CEP164: variants seen among roughly 807,000 people sequenced by gnomAD.
CEP164 encodes centrosomal protein 164, also known as centrosomal protein of 164 kDa.
CEP164 carries 162 observed loss-of-function variants against 182.7 expected under a neutral mutation model. The observed-to-expected ratio is 0.89, with a 90% CI of 0.78 to 1.01. The LOEUF is 1.01. Ranked by LOEUF, CEP164 falls within the 50% of genes least tolerant of loss-of-function variation. The probability of loss-of-function intolerance (pLI) is 0.00; values close to 1 mark genes in which losing one functional copy is unlikely to be tolerated. For synonymous variants in CEP164, 661 were observed against 690.0 expected (o/e 0.96, Z 0.66); for missense variants, 1,735 against 1,790.4 (o/e 0.97, Z 0.56).
At chr11:117,395,271 C>A in intron 23 of CEP164, 80 bp downstream of exon 23, 1 of 1,521,324 alleles carries the variant, frequency 6.6e-7, no homozygotes, top group South Asian at 1.1e-5. Context: ...ACATTTTGTT[C>A]ATCTGATCTG....
At chr11:117,359,295 G>A (rs2040667314) in intron 5 of CEP164, 10 of 567,026 alleles carry the variant, frequency 1.8e-5, no homozygotes, top group African/African-American at 2.0e-5. Flanking sequence ...TGGGGACTGT[G>A]GATAATGGCA....
chr11:117,334,372 G>C (rs2036704677), intron 1 of CEP164, among the ~76,000 whole-genome samples: 1 of 152,150 alleles, frequency 6.6e-6, no homozygotes. Context: ...AGCCTGATAA[G>C]GTAAGGAAAG....
At chr11:117,356,757 C>T (rs1565471842) in intron 5 of CEP164, 3 of 821,428 alleles carry the variant, frequency 3.7e-6, no homozygotes, top group Non-Finnish European at 4.7e-6. Flanking sequence ...TTTAACTACC[C>T]AAATGGCCAT....
chr11:117,373,791 C>G lies in CEP164; in HGVS notation c.1193C>G (p.Ser398Ter), dbSNP rs753347788. Residue 398 changes from serine (S) to a stop codon, truncating the protein, a stop_gained, in exon 10 of 33, where the codon TCA becomes TGA. Coordinates refer to ENST00000278935, the MANE Select transcript of CEP164 (RefSeq NM_014956.5). LOFTEE classifies it high-confidence loss of function. ...ISEHMKEPQL[S>*]DSIASDPKSF... ...GAACACATGAAGGAACCACAGCTCT[C>G]AGACTCCATAGCTTCTGACCCCAAG... 6.2e-7 allele frequency: 1 copy of G among 1,614,202 alleles called. No individual in the cohort carries two copies. Among genetic ancestry groups the G allele is most frequent in the Non-Finnish European group, 8.5e-7 (1 of 1,180,024 alleles).
chr11:117,342,871 AT>A (rs944159986), intron 3 of CEP164, among the ~76,000 whole-genome samples: 1 of 151,876 alleles, frequency 6.6e-6, no homozygotes, highest in Non-Finnish European at 1.5e-5. Flanking sequence ...GTACAACAAA[AT>A]TTTTGTTTGT....
At chr11:117,334,368 ATAAGG>A (rs1302641677) in intron 1 of CEP164, among the ~76,000 whole-genome samples, 1 of 152,192 alleles carries the variant, frequency 6.6e-6, no homozygotes, top group Non-Finnish European at 1.5e-5. Context: ...CTAGAGCCTG[ATAAGG>A]TAAGGAAAGA....
At chr11:117,370,731 C>T (rs989090743) in intron 8 of CEP164, among the ~76,000 whole-genome samples, 10 of 151,924 alleles carry the variant, frequency 6.6e-5, no homozygotes, top group African/African-American at 1.2e-4. Flanking sequence ...GCCAACATGG[C>T]AAAACCCCAT....
upstream of CEP164, among the ~76,000 whole-genome samples, chr11:117,327,289 TTAAAG>T (rs1315834616): frequency 6.6e-6 from 1 of 152,278 alleles, no homozygotes; most frequent in Non-Finnish European, 1.5e-5. Context: ...GTTTTGTTGA[TTAAAG>T]TAACAATGGG....
At position 117,351,976 on chromosome 11, in the gene CEP164, C is replaced by G. The variant is rs375951540; in HGVS notation, c.381C>G (p.Pro127=). The G allele has an allele frequency of 1.3e-5, 20 of 1,578,506 alleles. No homozygotes were observed. The highest frequency in any genetic ancestry group is 1.6e-5 in the Non-Finnish European group (19 of 1,161,794). The part of the protein sequence containing the change: ...EKKDKKDRDP[P]KSSLALGSSL... ...AAGACAAGAAGGACAGAGACCCCCCCAAAAGTTCGCTGGTGAGTCAGTGGA... is the reference window on the plus strand; with the variant it reads ...AAGACAAGAAGGACAGAGACCCCCCGAAAAGTTCGCTGGTGAGTCAGTGGA... Residue 127 remains proline, a synonymous_variant, in exon 5 of 33, where the codon CCC becomes CCG. Coordinates refer to ENST00000278935, the MANE Select transcript of CEP164 (RefSeq NM_014956.5).
Position 117,373,848 on chromosome 11 carries a change from G to T in CEP164, c.1233+17G>T. ...CATGGCCTGGTGAGTTTGAGATGAG[G>T]GCAGTAGAGTGGTGGTGAAGAGCAT... On this transcript the variant is annotated intron_variant, in intron 10 of 32. Transcript: ENST00000278935. The T allele has an allele frequency of 6.2e-7, 1 of 1,607,650 alleles. No individual in the cohort carries two copies. Among genetic ancestry groups the T allele is most frequent in the South Asian group, 1.1e-5 (1 of 90,948 alleles).
At position 117,390,235 on chromosome 11, in the gene CEP164, G is replaced by C. The variant is rs369185171; in HGVS notation, c.1935-542G>C. Among the ~76,000 whole-genome samples the C allele has an allele frequency of 2.4e-3, 368 of 151,918 alleles. 3 individuals are homozygous for C. Among genetic ancestry groups the C allele is most frequent in the African/African-American group, 8.5e-3 (351 of 41,470 alleles). ...TGGGATTACGGGTGTGAGCCACCACGCCCGGCCATTAGTTTGCTTCTTGAA... is the reference window on the plus strand; with the variant it reads ...TGGGATTACGGGTGTGAGCCACCACCCCCGGCCATTAGTTTGCTTCTTGAA... On this transcript the variant is annotated intron_variant, in intron 15 of 32. Coordinates refer to ENST00000278935, the MANE Select transcript of CEP164 (RefSeq NM_014956.5).
Position 117,381,744 on chromosome 11 carries a change from C to G in CEP164, c.1453C>G (p.Pro485Ala). The G allele has an allele frequency of 6.2e-7, 1 of 1,609,696 alleles. No homozygotes were observed. The highest frequency in any genetic ancestry group is 8.5e-7 in the Non-Finnish European group (1 of 1,178,196). Reference sequence around the variant, plus strand: ...ACACGAGGAGCGGGCCCAGAGTCCCCCTCGCAGCCTGGCCACTGAAGAAGA... The same window carrying G: ...ACACGAGGAGCGGGCCCAGAGTCCCGCTCGCAGCCTGGCCACTGAAGAAGA... ...LPHEERAQSP[P>A]RSLATEEEPP... The change falls in exon 13 of 33, where the codon CCT becomes GCT. Residue 485 changes from proline (P) to alanine (A), a missense_variant. Pro to Ala is a conservative substitution (Grantham distance 27, BLOSUM62 -1). Coordinates refer to ENST00000278935, the MANE Select transcript of CEP164 (RefSeq NM_014956.5).
Position 117,409,674 on chromosome 11 carries a change from C to T in CEP164, c.3805C>T (p.Arg1269Trp), listed in dbSNP as rs142578192. 3.0e-5 allele frequency: 48 copies of T among 1,613,986 alleles called. No homozygotes were observed. The highest frequency in any genetic ancestry group is 2.3e-4 in the South Asian group (21 of 91,068). ...GATCCACGGGCTTAGCCACTCCCTC[C>T]GGCAGATCAGCAGCCAGCTGAGCAG... The part of the protein sequence containing the change: ...RKIHGLSHSL[R>W]QISSQLSSVL... The change falls in exon 30 of 33, where the codon CGG becomes TGG. Residue 1269 changes from arginine (R) to tryptophan (W), a missense_variant. By Grantham distance (101) the Arg-to-Trp change is moderately radical. Transcript: ENST00000278935. This position sits in a 1 kb window ranked among gnomAD's most constrained non-coding sequence, Gnocchi z 4.4.
At chr11:117,355,195 CT>C (rs1472319267) in intron 5 of CEP164, 12 of 1,289,738 alleles carry the variant, frequency 9.3e-6, no homozygotes, top group African/African-American at 4.6e-5. Flanking sequence ...TGGAGAAAAT[CT>C]TAGGCAGGGC....
intron 1 of CEP164, among the ~76,000 whole-genome samples, chr11:117,328,458 C>T (rs1591913035): frequency 6.6e-6 from 1 of 152,202 alleles, no homozygotes; most frequent in East Asian, 1.9e-4. Flanking sequence ...TGTCCCTCTA[C>T]CTCTGGCACC....
chr11:117,353,875 A>G (rs774086922), intron 5 of CEP164, among the ~76,000 whole-genome samples: 1 of 151,996 alleles, frequency 6.6e-6, no homozygotes, highest in Non-Finnish European at 1.5e-5. Flanking sequence ...AGCAATACCA[A>G]CTGGTTCCTT....
At chr11:117,407,753 A>G (rs2046878389) in intron 27 of CEP164, among the ~76,000 whole-genome samples, 172 bp from the exon 28 acceptor site, 1 of 152,140 alleles carries the variant, frequency 6.6e-6, no homozygotes, top group African/African-American at 2.4e-5. Context: ...ATAGTAACAT[A>G]CTCTTTCTCT....
chr11:117,346,493 A>G (rs1002114684), intron 4 of CEP164, among the ~76,000 whole-genome samples: 1 of 151,604 alleles, frequency 6.6e-6, no homozygotes, highest in Non-Finnish European at 1.5e-5. Context: ...TCCTGATCTC[A>G]TGATCTGCCC....
chr11:117,410,618 A>G (rs1181314038), intron 30 of CEP164: 1 of 494,404 alleles, frequency 2.0e-6, no homozygotes, highest in Admixed American at 3.2e-5. Context: ...GAGGGGAAAC[A>G]AAATATCTTC....
Sources: allele counts gnomAD v4.1 joint callset (sites outside exome capture counted in the v4.1 genomes callset), GRCh38; gene constraint gnomAD v4.1.1; non-coding constraint Gnocchi (gnomAD v3.1); transcripts MANE v1.5; gene names NCBI Gene and HGNC (gene_info 2026-07-23, HGNC 2026-07-21).